PSEN1: variants seen among roughly 807,000 people sequenced by gnomAD.
PSEN1 encodes presenilin 1.
A neutral mutation model predicts 53.5 loss-of-function variants in PSEN1; 15 were observed. That is an observed-to-expected ratio of 0.28 (90% CI 0.19 to 0.43). The LOEUF is 0.43. Among genes scored for constraint, PSEN1 ranks in the 20% least tolerant of loss-of-function variants. The probability of loss-of-function intolerance (pLI) is 1.00; values close to 1 mark genes in which losing one functional copy is unlikely to be tolerated. For synonymous variants in PSEN1, 208 were observed against 209.8 expected (o/e 0.99, Z 0.08); for missense variants, 387 against 571.2 (o/e 0.68, Z 3.29).
intron 1 of PSEN1, among the ~76,000 whole-genome samples, chr14:73,142,231 C>T (rs970407132): frequency 2.0e-5 from 3 of 152,148 alleles, no homozygotes; most frequent in African/African-American, 4.8e-5. Flanking sequence ...GGCCGCCTGT[C>T]CAGGGAGAAG....
At chr14:73,177,537 C>G (rs1186757071) in intron 5 of PSEN1, among the ~76,000 whole-genome samples, 1 of 152,152 alleles carries the variant, frequency 6.6e-6, no homozygotes, top group Admixed American at 6.5e-5. Flanking sequence ...GAACATCTTC[C>G]TTTAGTAATG....
At chr14:73,184,707 C>T (rs1898409591) in intron 5 of PSEN1, among the ~76,000 whole-genome samples, 3 of 151,426 alleles carry the variant, frequency 2.0e-5, no homozygotes, top group African/African-American at 4.8e-5. Flanking sequence ...ACCCCCCCAC[C>T]TCCCTCCCGG....
At chr14:73,138,950 G>A (rs1896832118) in intron 1 of PSEN1, among the ~76,000 whole-genome samples, 1 of 148,106 alleles carries the variant, frequency 6.8e-6, no homozygotes, top group South Asian at 2.1e-4. Context: ...CTGGGCGACA[G>A]AGCCAGACTC....
At chr14:73,164,326 G>A (rs1448402437) in intron 3 of PSEN1, among the ~76,000 whole-genome samples, 3 of 152,168 alleles carry the variant, frequency 2.0e-5, no homozygotes, top group South Asian at 2.1e-4. Flanking sequence ...TAGTGCCGAC[G>A]ATTTTCTATT....
rs1900091082 is a variant in PSEN1, at chr14:73,220,302, A to G, written c.*1013A>G. ...GTATGATGAAAAGAATGTGTTATGA[A>G]TCGGTGCTGTCAGCCCTGCTGTCAG... is the stretch of plus-strand genomic sequence containing the variant. On this transcript the variant is annotated 3_prime_UTR_variant, in exon 12 of 12. Transcript: ENST00000324501. 4 of 152,648 alleles carry G rather than the reference A, an allele frequency of 2.6e-5. No individual in the cohort carries two copies. In the South Asian group the frequency reaches 8.3e-4, roughly 32 times the overall value. 9.5% of individuals were successfully genotyped at this position (152,648 alleles called of 1,614,324 possible).
At chr14:73,183,446 C>T (rs1898290238) in intron 5 of PSEN1, among the ~76,000 whole-genome samples, 1 of 152,050 alleles carries the variant, frequency 6.6e-6, no homozygotes, top group Non-Finnish European at 1.5e-5. Flanking sequence ...ACCCTGCGGC[C>T]TTCCGCAGTG....
intron 6 of PSEN1, among the ~76,000 whole-genome samples, chr14:73,187,922 A>G (rs1898573443): frequency 6.6e-6 from 1 of 152,186 alleles, no homozygotes; most frequent in Non-Finnish European, 1.5e-5. Context: ...GAATTCAGCA[A>G]TAGATGAAAA....
intron 8 of PSEN1, among the ~76,000 whole-genome samples, chr14:73,198,460 T>A (rs1197790053): frequency 6.6e-6 from 1 of 152,206 alleles, no homozygotes; most frequent in Non-Finnish European, 1.5e-5. Context: ...TGCTATTCGG[T>A]GACCACTGGG....
chr14:73,206,308 G>A, intron 8 of PSEN1, 78 bp from the exon 9 acceptor site: 1 of 984,470 alleles, frequency 1.0e-6, no homozygotes, highest in Non-Finnish European at 1.6e-6. Context: ...CGATTTGTGT[G>A]GAGAAATGAT....
intron 5 of PSEN1, among the ~76,000 whole-genome samples, chr14:73,185,291 G>A (rs1346625163): frequency 6.6e-6 from 1 of 152,114 alleles, no homozygotes; most frequent in Non-Finnish European, 1.5e-5. Context: ...CCGAGATCAC[G>A]CCACTGCACT....
intron 3 of PSEN1, among the ~76,000 whole-genome samples, chr14:73,169,989 A>G (rs537073971): frequency 3.3e-5 from 5 of 152,336 alleles, no homozygotes; most frequent in South Asian, 2.1e-4. Flanking sequence ...TTTCTGGGAA[A>G]GAGGTGGGCA....
At chr14:73,218,494 G>T (rs1367226555) in intron 11 of PSEN1, among the ~76,000 whole-genome samples, 1 of 152,122 alleles carries the variant, frequency 6.6e-6, no homozygotes, top group East Asian at 1.9e-4. Context: ...CGTAACTAGG[G>T]TAAAAAATGA....
chr14:73,162,660 TAAG>T (rs1382086586), intron 3 of PSEN1, among the ~76,000 whole-genome samples: 2 of 151,988 alleles, frequency 1.3e-5, no homozygotes, highest in Non-Finnish European at 2.9e-5. Context: ...GTCTCAAAGA[TAAG>T]AAGAATGAGG....
At chr14:73,144,137 T>C (rs1897003951) in intron 1 of PSEN1, among the ~76,000 whole-genome samples, 2 of 142,990 alleles carry the variant, frequency 1.4e-5, no homozygotes, top group South Asian at 4.7e-4. Context: ...GCCTCCTGGG[T>C]TCAAGCAATT....
chr14:73,171,072 T>C (rs779909280), intron 4 of PSEN1, 25 bp downstream of exon 4: 1 of 1,613,588 alleles, frequency 6.2e-7, no homozygotes, highest in South Asian at 1.1e-5. Flanking sequence ...TGTTTTATTA[T>C]TCTCAAAGCC....
chr14:73,152,029 A>G (rs547838673), intron 3 of PSEN1, among the ~76,000 whole-genome samples: 1 of 145,812 alleles, frequency 6.9e-6, no homozygotes, highest in South Asian at 2.2e-4. Flanking sequence ...CTCCTGCCTC[A>G]GCCTCCCAAG....
chr14:73,212,329 T>C (rs2140136851), intron 10 of PSEN1, among the ~76,000 whole-genome samples: 1 of 152,094 alleles, frequency 6.6e-6, no homozygotes, highest in South Asian at 2.1e-4. Flanking sequence ...CAGGCTGGTC[T>C]TGAACTCCTG....
chr14:73,170,067 A>G (rs564268652), intron 3 of PSEN1, among the ~76,000 whole-genome samples: 1 of 152,310 alleles, frequency 6.6e-6, no homozygotes, highest in South Asian at 2.1e-4. Flanking sequence ...TTGCCATGGC[A>G]TCTGTAAACT....
chr14:73,137,744 G>A (rs1278773667), intron 1 of PSEN1, among the ~76,000 whole-genome samples: 1 of 152,198 alleles, frequency 6.6e-6, no homozygotes, highest in Non-Finnish European at 1.5e-5. Flanking sequence ...GTTAGGCCTG[G>A]TGTAGCAGAA....
Sources: gnomAD v4.1 joint callset for allele counts (sites outside exome capture counted in the v4.1 genomes callset) on GRCh38, gnomAD v4.1.1 for gene constraint, MANE v1.5 for transcripts, NCBI Gene and HGNC (gene_info 2026-07-23, HGNC 2026-07-21) for gene names.